Variants in PCSK2 observed in about 807,000 individuals in gnomAD.
PCSK2 encodes the protein neuroendocrine convertase 2.
PCSK2 carries 14 observed loss-of-function variants against 69.7 expected under a neutral mutation model. The observed-to-expected ratio is 0.20, with a 90% CI of 0.13 to 0.31. PCSK2 has a LOEUF of 0.31. PCSK2 is among the 10% of genes least tolerant of loss of function. The pLI, the probability that PCSK2 is intolerant of heterozygous loss-of-function variation, is 1.00. For synonymous variants in PCSK2, 307 were observed against 320.7 expected (o/e 0.96, Z 0.46); for missense variants, 544 against 842.5 (o/e 0.65, Z 4.39).
intron 1 of PCSK2, among the ~76,000 whole-genome samples, chr20:17,231,020 A>G (rs1001031453): frequency 6.6e-6 from 1 of 152,248 alleles, no homozygotes; most frequent in Non-Finnish European, 1.5e-5. Context: ...TAAAATTCTC[A>G]AAATGCTACT....
intron 2 of PCSK2, among the ~76,000 whole-genome samples, chr20:17,347,446 T>C (rs1473817678): frequency 6.6e-6 from 1 of 152,110 alleles, no homozygotes; most frequent in Admixed American, 6.5e-5. Context: ...TTTTCTTCCA[T>C]AATCTCCCAC....
intron 1 of PCSK2, among the ~76,000 whole-genome samples, chr20:17,249,840 G>GA (rs1369549898): frequency 2.0e-5 from 3 of 152,080 alleles, no homozygotes; most frequent in African/African-American, 7.2e-5. Flanking sequence ...CAGGGCTGGG[G>GA]GGGGAATGGA....
At chr20:17,340,198 A>C (rs951414762) in intron 2 of PCSK2, among the ~76,000 whole-genome samples, 2 of 152,228 alleles carry the variant, frequency 1.3e-5, no homozygotes, top group Non-Finnish European at 2.9e-5. Context: ...AGAGTCATGC[A>C]GGTCCCCATG....
intron 10 of PCSK2, chr20:17,464,108 T>G (rs1397211621): frequency 3.0e-4 from 46 of 152,210 alleles, no homozygotes; most frequent in Admixed American, 3.0e-3. Context: ...TTCTCAACAT[T>G]GGCTGTCTGT....
intron 2 of PCSK2, among the ~76,000 whole-genome samples, chr20:17,303,443 A>T (rs62202216): frequency 8.0e-5 from 4 of 49,864 alleles, no homozygotes; most frequent in African/African-American, 2.4e-4. Context: ...ATATAATATA[A>T]TATATATTAT....
intron 1 of PCSK2, among the ~76,000 whole-genome samples, chr20:17,229,176 C>G (rs868771966): frequency 1.3e-5 from 2 of 151,918 alleles, no homozygotes; most frequent in Middle Eastern, 3.4e-3. Context: ...GAGGAGGCTA[C>G]TATCATTATT....
intron 10 of PCSK2, among the ~76,000 whole-genome samples, chr20:17,458,799 T>C (rs1481734204): frequency 6.6e-6 from 1 of 152,250 alleles, no homozygotes; most frequent in Non-Finnish European, 1.5e-5. Context: ...CATAATGTAC[T>C]TTTCTGCCTA....
At chr20:17,249,302 C>T (rs537090379) in intron 1 of PCSK2, among the ~76,000 whole-genome samples, 3 of 151,746 alleles carry the variant, frequency 2.0e-5, no homozygotes, top group Non-Finnish European at 4.4e-5. Flanking sequence ...GTCAGGAGAT[C>T]GAGACCATCC....
At chr20:17,248,175 G>GT (rs1555781249) in intron 1 of PCSK2, among the ~76,000 whole-genome samples, 6 of 144,372 alleles carry the variant, frequency 4.2e-5, no homozygotes, top group South Asian at 2.3e-4. Context: ...TATAAAAAAG[G>GT]GTGTGTGTGT....
intron 1 of PCSK2, among the ~76,000 whole-genome samples, chr20:17,232,767 AT>A (rs1268401830): frequency 6.6e-6 from 1 of 152,248 alleles, no homozygotes; most frequent in Non-Finnish European, 1.5e-5. Context: ...AGTTCTTTAG[AT>A]CAAAATTGAC....
At chr20:17,328,639 AGAG>A (rs1990130379) in intron 2 of PCSK2, among the ~76,000 whole-genome samples, 1 of 152,102 alleles carries the variant, frequency 6.6e-6, no homozygotes, top group Admixed American at 6.6e-5. Flanking sequence ...ACGGAAGAGG[AGAG>A]GAGGACACAA....
intron 2 of PCSK2, among the ~76,000 whole-genome samples, chr20:17,268,163 A>C (rs2123017568): frequency 6.6e-6 from 1 of 151,756 alleles, no homozygotes; most frequent in East Asian, 1.9e-4. Context: ...TTGGCTAGAA[A>C]ACCAGCATTC....
At chr20:17,366,325 A>G (rs1429422576) in intron 4 of PCSK2, among the ~76,000 whole-genome samples, 1 of 152,228 alleles carries the variant, frequency 6.6e-6, no homozygotes, top group Non-Finnish European at 1.5e-5. Flanking sequence ...CTAATGATTT[A>G]TGAACCAAAT....
intron 5 of PCSK2, among the ~76,000 whole-genome samples, chr20:17,374,267 G>A (rs1296148723): frequency 1.3e-5 from 2 of 152,216 alleles, no homozygotes; most frequent in South Asian, 2.1e-4. Context: ...TAGGCAGACA[G>A]GGAGGTTCGT....
At chr20:17,289,235 A>G (rs905553088) in intron 2 of PCSK2, among the ~76,000 whole-genome samples, 2 of 152,222 alleles carry the variant, frequency 1.3e-5, no homozygotes, top group African/African-American at 4.8e-5. Context: ...CAAAATGAGA[A>G]TTGGAATTGG....
At chr20:17,412,375 G>A (rs376210023) in intron 6 of PCSK2, among the ~76,000 whole-genome samples, 23 of 152,120 alleles carry the variant, frequency 1.5e-4, no homozygotes, top group East Asian at 1.2e-3. Context: ...CGAGAACTTC[G>A]TGACGCATGC....
intron 4 of PCSK2, among the ~76,000 whole-genome samples, chr20:17,367,619 T>C (rs903344221): frequency 4.6e-5 from 7 of 152,206 alleles, no homozygotes; most frequent in African/African-American, 1.7e-4. Context: ...TGTTGTTTCC[T>C]TTTAGAGACA....
chr20:17,369,346 G>A, intron 5 of PCSK2, 69 bp downstream of exon 5: 1 of 1,239,724 alleles, frequency 8.1e-7, no homozygotes, highest in Non-Finnish European at 1.2e-6. Flanking sequence ...TGGCTATTAG[G>A]AACATGCACA....
chr20:17,322,318 T>C (rs972195064), intron 2 of PCSK2, among the ~76,000 whole-genome samples: 1 of 152,048 alleles, frequency 6.6e-6, no homozygotes, highest in African/African-American at 2.4e-5. Context: ...TTGAAAGGAG[T>C]ATTGATGAGT....
Sources: gnomAD v4.1 joint callset for allele counts (sites outside exome capture counted in the v4.1 genomes callset) on GRCh38, gnomAD v4.1.1 for gene constraint, MANE v1.5 for transcripts, NCBI Gene and HGNC (gene_info 2026-07-23, HGNC 2026-07-21) for gene names.